Variants in ZNF385D observed in about 807,000 individuals in gnomAD.
ZNF385D encodes the protein zinc finger protein 385D, also known as zinc finger protein 659.
In ZNF385D, 15 loss-of-function variants were observed where a neutral mutation model predicts 35.8. The observed-to-expected ratio is 0.42, with a 90% CI of 0.28 to 0.64. The LOEUF (loss-of-function observed/expected upper bound fraction) is 0.64. ZNF385D is among the 30% of genes least tolerant of loss of function. The pLI is 0.23. For synonymous variants in ZNF385D, 212 were observed against 186.8 expected, an observed-to-expected ratio of 1.13 and a Z score of -1.10; for missense variants, 474 against 494.6, an observed-to-expected ratio of 0.96 and a Z score of 0.39.
At chr3:21,913,112 G>C (rs751811164) in intron 3 of ZNF385D, among the ~76,000 whole-genome samples, 1 of 152,024 alleles carries the variant, frequency 6.6e-6, no homozygotes, top group African/African-American at 2.4e-5. Context: ...GAATCTTTTG[G>C]CTGGAGATGG....
intron 2 of ZNF385D, among the ~76,000 whole-genome samples, chr3:22,317,925 G>A (rs1383091612): frequency 2.6e-5 from 4 of 152,084 alleles, no homozygotes; most frequent in African/African-American, 9.7e-5. Context: ...GCCAGGCATG[G>A]TGGCATGCAC....
At chr3:22,123,871 C>CAAACG (rs1021288292) in intron 3 of ZNF385D, among the ~76,000 whole-genome samples, 14 of 147,044 alleles carry the variant, frequency 9.5e-5, no homozygotes, top group Admixed American at 4.1e-4. Context: ...TCAGAAAAAC[C>CAAACG]AAACCAAACC....
intron 3 of ZNF385D, among the ~76,000 whole-genome samples, chr3:22,089,836 T>G (rs1006921339): frequency 5.3e-5 from 8 of 152,092 alleles, no homozygotes; most frequent in African/African-American, 1.9e-4. Flanking sequence ...AATTAACAAT[T>G]TTTTATTTTA....
intron 3 of ZNF385D, among the ~76,000 whole-genome samples, chr3:21,869,984 A>T (rs987968602): frequency 2.6e-5 from 4 of 152,128 alleles, no homozygotes; most frequent in African/African-American, 9.7e-5. Flanking sequence ...AAAAAGATAT[A>T]TTTTTATATC....
intron 2 of ZNF385D, among the ~76,000 whole-genome samples, chr3:22,313,368 G>T (rs1703691785): frequency 6.6e-6 from 1 of 151,988 alleles, no homozygotes; most frequent in East Asian, 1.9e-4. Flanking sequence ...CCTGCACGTT[G>T]TGCACATGTA....
At chr3:22,080,032 T>C (rs1700669024) in intron 3 of ZNF385D, among the ~76,000 whole-genome samples, 1 of 152,114 alleles carries the variant, frequency 6.6e-6, no homozygotes, top group Non-Finnish European at 1.5e-5. Context: ...TACACTTTCC[T>C]GGTAGACTGC....
At chr3:21,903,003 T>A (rs1221740102) in intron 3 of ZNF385D, among the ~76,000 whole-genome samples, 4 of 152,142 alleles carry the variant, frequency 2.6e-5, no homozygotes, top group African/African-American at 9.7e-5. Flanking sequence ...AACTCAAACT[T>A]CACCATTGGT....
In ZNF385D at chr3:22,210,094, C is replaced by A. The variant is rs193275279; in HGVS notation, c.107-41059G>T. ...GGAAACTTAAGATGTAATTTCAAAC[C>A]ATTTATACCAGCCAAGTCCCAGGAA... On this transcript the variant is annotated intron_variant, in intron 2 of 5. Coordinates refer to the ZNF385D transcript ENST00000494108. Among the ~76,000 whole-genome samples the A allele has an allele frequency of 1.1e-4, 16 of 151,536 alleles. No homozygotes were observed. In the East Asian group the frequency reaches 2.9e-3, roughly 28 times the overall value.
At position 22,357,466 on chromosome 3, in the gene ZNF385D, T is replaced by C. The variant is rs145160387; in HGVS notation, c.106+14984A>G. On this transcript the variant is annotated intron_variant, in intron 2 of 5. Transcript: ENST00000494108. ...TGACTGAAAAGTTTAGTAGAAAACTTGGAAGTGCAGATATAAATTCTTGGA... is the reference window on the plus strand; with the variant it reads ...TGACTGAAAAGTTTAGTAGAAAACTCGGAAGTGCAGATATAAATTCTTGGA... Among the ~76,000 whole-genome samples the C allele has an allele frequency of 6.2e-4, 95 of 152,030 alleles. 2 individuals are homozygous for C. The East Asian group carries it at 0.018, about 29-fold the overall frequency.
At chr3:21,596,134 A>G (rs527267365) in intron 2 of ZNF385D, among the ~76,000 whole-genome samples, 20 of 152,336 alleles carry the variant, frequency 1.3e-4, no homozygotes, top group African/African-American at 4.8e-4. Context: ...TAACTAAAAG[A>G]AAAAGATGAT....
chr3:21,862,949 T>C (rs1415056269), intron 3 of ZNF385D, among the ~76,000 whole-genome samples: 2 of 152,178 alleles, frequency 1.3e-5, no homozygotes, highest in Non-Finnish European at 2.9e-5. Flanking sequence ...CTCCACTTGA[T>C]TTAGTCTGAA....
chr3:21,909,230 T>C (rs1002605315), intron 3 of ZNF385D, among the ~76,000 whole-genome samples: 1 of 152,082 alleles, frequency 6.6e-6, no homozygotes, highest in African/African-American at 2.4e-5. Context: ...AGCAATCACA[T>C]TCCATTTTTG....
At position 21,751,084 on chromosome 3, in the gene ZNF385D, C is replaced by G; in HGVS notation, c.-168G>C. ...CTCCGCGGGATGAGCGCCTTGCAGG[C>G]TGCCTTTCCAGGGCTAAGATCCCCG... On this transcript the variant is annotated 5_prime_UTR_variant, in exon 1 of 8. Transcript: ENST00000281523. 6.7e-7 allele frequency: 1 copy of G among 1,500,534 alleles called. No homozygotes were observed. The highest frequency in any genetic ancestry group is 8.9e-7 in the Non-Finnish European group (1 of 1,123,322). The allele number at this position is 1,500,534 out of a possible 1,614,324, so 93.0% of individuals were successfully genotyped here.
chr3:22,162,378 G>A (rs1297893167), intron 3 of ZNF385D, among the ~76,000 whole-genome samples: 3 of 152,112 alleles, frequency 2.0e-5, no homozygotes, highest in East Asian at 3.9e-4. Context: ...GTAAACAGCA[G>A]ATGCAAACAG....
At chr3:22,324,782 G>A (rs1299323778) in intron 2 of ZNF385D, among the ~76,000 whole-genome samples, 1 of 152,140 alleles carries the variant, frequency 6.6e-6, no homozygotes, top group Non-Finnish European at 1.5e-5. Context: ...TCAATACTGT[G>A]TCCCCTTTGA....
chr3:22,047,016 C>T (rs1420674390), intron 3 of ZNF385D, among the ~76,000 whole-genome samples: 1 of 151,916 alleles, frequency 6.6e-6, no homozygotes, highest in African/African-American at 2.4e-5. Flanking sequence ...TTTCAGGTGG[C>T]CAATAATGAA....
rs185719513 is a variant in ZNF385D, at chr3:21,643,810, A to G, written c.165+21076T>C. Among the ~76,000 whole-genome samples the G allele has an allele frequency of 5.9e-5, 9 of 152,300 alleles. No individual in the cohort carries two copies. The South Asian group carries it at 6.2e-4, about 11-fold the overall frequency. ...TGTCCAATGCTAGCCACATGATGCT[A>G]GTGGCTTCCCATTTGAACAGTACTG... On this transcript the variant is annotated intron_variant, in intron 2 of 7. Transcript: ENST00000281523.
chr3:21,948,978 T>C (rs985016336), intron 3 of ZNF385D, among the ~76,000 whole-genome samples: 11 of 152,160 alleles, frequency 7.2e-5, no homozygotes, highest in African/African-American at 2.2e-4. Context: ...TTTCCTTCAA[T>C]ACATTGGGTT....
In ZNF385D at chr3:22,280,360, A is replaced by T. The variant is rs368853953; in HGVS notation, c.106+92090T>A. Among the ~76,000 whole-genome samples the T allele has an allele frequency of 1.7e-3, 254 of 147,812 alleles. 2 individuals are homozygous for T. Among genetic ancestry groups the T allele is most frequent in the African/African-American group, 6.2e-3 (243 of 39,438 alleles). On this transcript the variant is annotated intron_variant, in intron 2 of 5. Coordinates refer to the ZNF385D transcript ENST00000494108. ...AAAGTCTTTGCCTAAGCCATTGTCT[A>T]GAAGGGTTTTTTTTTTTTTTACTGT...
Sources: gnomAD v4.1 joint callset for allele counts (sites outside exome capture counted in the v4.1 genomes callset) on GRCh38, gnomAD v4.1.1 for gene constraint, MANE v1.5 for transcripts, NCBI Gene and HGNC (gene_info 2026-07-23, HGNC 2026-07-21) for gene names.